WDPCP: variants seen among roughly 807,000 people sequenced by gnomAD.
WDPCP encodes WD repeat-containing and planar cell polarity effector protein fritz homolog.
A neutral mutation model predicts 93.1 loss-of-function variants in WDPCP; 71 were observed. That is an observed-to-expected ratio of 0.76 (90% CI 0.63 to 0.93). WDPCP has a LOEUF of 0.93. Among genes scored for constraint, WDPCP ranks in the 40% least tolerant of loss-of-function variants. The pLI is 0.00. For synonymous variants in WDPCP, 315 were observed against 315.0 expected, an observed-to-expected ratio of 1.00 and a Z score of 0.00; for missense variants, 844 against 887.4, an observed-to-expected ratio of 0.95 and a Z score of 0.62.
intron 13 of WDPCP, among the ~76,000 whole-genome samples, chr2:63,271,593 C>T (rs1006136483): frequency 1.3e-4 from 20 of 152,140 alleles, no homozygotes; most frequent in Non-Finnish European, 2.4e-4. Flanking sequence ...CATTGTGGTG[C>T]GGGGGAGGGG....
intron 17 of WDPCP, among the ~76,000 whole-genome samples, chr2:63,151,142 C>T (rs1419732789): frequency 2.0e-5 from 3 of 152,174 alleles, no homozygotes; most frequent in African/African-American, 7.2e-5. Flanking sequence ...CTTGGGAAGT[C>T]AGTTTCTTGA....
At chr2:63,215,961 C>A (rs932908233) in intron 14 of WDPCP, among the ~76,000 whole-genome samples, 2 of 152,174 alleles carry the variant, frequency 1.3e-5, no homozygotes, top group Admixed American at 1.3e-4. Flanking sequence ...AAAAAATGCT[C>A]GTCATCACTG....
intron 3 of WDPCP, chr2:63,598,221 C>CAGTGA (rs1553444398): frequency 3.9e-5 from 6 of 152,134 alleles, no homozygotes; most frequent in Non-Finnish European, 8.8e-5. Context: ...CTCTGCCTCC[C>CAGTGA]GGGTTCAAGC....
intron 12 of WDPCP, among the ~76,000 whole-genome samples, chr2:63,314,387 C>A (rs1213999123): frequency 6.6e-6 from 1 of 152,028 alleles, no homozygotes; most frequent in Non-Finnish European, 1.5e-5. Context: ...CCAGGCTGGT[C>A]TCAAATTCAT....
intron 2 of WDPCP, among the ~76,000 whole-genome samples, chr2:63,726,496 G>C (rs1295396868): frequency 6.6e-6 from 1 of 152,126 alleles, no homozygotes; most frequent in Non-Finnish European, 1.5e-5. Context: ...TTCTGGCTTT[G>C]TTCTTTTTGC....
At chr2:63,737,034 T>A (rs1487489215) in intron 2 of WDPCP, among the ~76,000 whole-genome samples, 1 of 152,006 alleles carries the variant, frequency 6.6e-6, no homozygotes, top group Non-Finnish European at 1.5e-5. Context: ...TTTCTCTACC[T>A]CTCCTGGAGG....
intron 3 of WDPCP, among the ~76,000 whole-genome samples, chr2:63,636,390 C>A (rs2106634314): frequency 6.6e-6 from 1 of 152,214 alleles, no homozygotes; most frequent in Non-Finnish European, 1.5e-5. Flanking sequence ...ACCCAAAACA[C>A]CCAAAGCAAT....
At position 63,588,247 on chromosome 2, in the gene WDPCP, C is replaced by T; in HGVS notation, c.25G>A (p.Ala9Thr). The T allele has an allele frequency of 1.3e-6, 2 of 1,577,984 alleles. No individual in the cohort carries two copies. The highest frequency in any genetic ancestry group is 2.4e-5 in the East Asian group (1 of 42,508). MRREFCWDAYSKAAGSRAS... is the reference protein window; with the variant it reads MRREFCWDTYSKAAGSRAS... The stretch of plus-strand genomic sequence containing the variant: ...CGACTCCCGGCCGCTTTGGAGTAGG[C>T]GTCCCAGCAAAACTCTCGCCTCATC... Residue 9 changes from alanine to threonine, a missense_variant, in exon 1 of 18, where the codon GCC (alanine) becomes ACC (threonine). By Grantham distance (58) the Ala-to-Thr change is moderately conservative. Transcript: ENST00000272321.
intron 2 of WDPCP, among the ~76,000 whole-genome samples, chr2:63,697,816 T>A (rs899669521): frequency 6.6e-6 from 1 of 151,378 alleles, no homozygotes; most frequent in Non-Finnish European, 1.5e-5. Flanking sequence ...CCAGGCTAAT[T>A]TTTGTATTTC....
intron 2 of WDPCP, among the ~76,000 whole-genome samples, chr2:63,743,901 A>G (rs764636153): frequency 7.9e-5 from 12 of 152,172 alleles, no homozygotes; most frequent in South Asian, 2.1e-4. Flanking sequence ...TAGAAATCAC[A>G]TAACTTAATG....
At chr2:63,300,930 G>A (rs1431166374) in intron 13 of WDPCP, among the ~76,000 whole-genome samples, 1 of 151,938 alleles carries the variant, frequency 6.6e-6, no homozygotes, top group Admixed American at 6.6e-5. Flanking sequence ...CCTTTGGTCT[G>A]GAGAGCATGT....
intron 6 of WDPCP, among the ~76,000 whole-genome samples, chr2:63,452,923 A>T (rs1336873336): frequency 1.3e-5 from 2 of 152,184 alleles, no homozygotes; most frequent in African/African-American, 2.4e-5. Flanking sequence ...CCTTCCTTAC[A>T]CCTTAAACAA....
intron 6 of WDPCP, among the ~76,000 whole-genome samples, chr2:63,466,067 T>C (rs954782001): frequency 5.3e-5 from 8 of 152,096 alleles, no homozygotes; most frequent in African/African-American, 1.9e-4. Context: ...GACTGTTCTA[T>C]TATGGGAGAA....
chr2:63,173,273 A>T (rs2103997728), intron 15 of WDPCP, among the ~76,000 whole-genome samples: 1 of 151,602 alleles, frequency 6.6e-6, no homozygotes, highest in South Asian at 2.1e-4. Context: ...TGTCGCAAAA[A>T]AAAAAAAAAA....
At chr2:63,506,885 G>A (rs902140783) in intron 1 of WDPCP, among the ~76,000 whole-genome samples, 1 of 151,636 alleles carries the variant, frequency 6.6e-6, no homozygotes, top group African/African-American at 2.4e-5. Flanking sequence ...AGGAACTCCT[G>A]GAAATAAAAA....
At chr2:63,605,256 T>G in intron 3 of WDPCP, 1 of 1,491,944 alleles carries the variant, frequency 6.7e-7, no homozygotes, top group Non-Finnish European at 9.4e-7. Context: ...GTAATACTGC[T>G]GCCTTCACCT....
intron 2 of WDPCP, among the ~76,000 whole-genome samples, chr2:63,771,843 G>A (rs954924254): frequency 6.6e-6 from 1 of 151,880 alleles, no homozygotes; most frequent in African/African-American, 2.4e-5. Flanking sequence ...ATGGCCTCCA[G>A]CTGTATCCAT....
rs755369526 is a variant in WDPCP, at chr2:63,381,861, C to CAAA, written c.1624+44_1624+45insTTT. 11 of 1,595,844 alleles carry CAAA rather than the reference C, an allele frequency of 6.9e-6. No homozygotes were observed. In the Admixed American group the frequency reaches 1.5e-4, roughly 22 times the overall value. ...AAAAATAACTCAATAAAATCTATTT[C>CAAA]ATGTATATACAAAACTCATCAATGA... On this transcript the variant is annotated intron_variant, in intron 11 of 17. Transcript: ENST00000272321.
chr2:63,832,975 G>A, the WDPCP span, among the ~76,000 whole-genome samples: 11 of 152,240 alleles, frequency 7.2e-5, 1 homozygote, highest in African/African-American at 2.4e-4. Flanking sequence ...AACTCAGGCC[G>A]GGCACAGTGG....
Sources: gnomAD v4.1 joint callset for allele counts (sites outside exome capture counted in the v4.1 genomes callset) on GRCh38, gnomAD v4.1.1 for gene constraint, MANE v1.5 for transcripts, NCBI Gene and HGNC (gene_info 2026-07-23, HGNC 2026-07-21) for gene names.